The following MTHFD2L variants were observed in gnomAD, a reference collection of about 807,000 sequenced individuals.
MTHFD2L encodes bifunctional methylenetetrahydrofolate dehydrogenase/cyclohydrolase 2, mitochondrial.
MTHFD2L carries 29 observed loss-of-function variants against 34.9 expected under a neutral mutation model. The observed-to-expected ratio is 0.83, with a 90% CI of 0.62 to 1.13. The LOEUF (loss-of-function observed/expected upper bound fraction) is 1.13, where lower values mean the gene tolerates loss of function less well. MTHFD2L is among the 50% of genes most tolerant of loss of function. MTHFD2L has a pLI of 0.00. For synonymous variants in MTHFD2L, 167 were observed against 155.7 expected, an observed-to-expected ratio of 1.07 and a Z score of -0.54; for missense variants, 481 against 446.5, an observed-to-expected ratio of 1.08 and a Z score of -0.70.
At chr4:74,146,940 T>C (rs2109847571) in intron 1 of MTHFD2L, among the ~76,000 whole-genome samples, 1 of 152,218 alleles carries the variant, frequency 6.6e-6, no homozygotes, top group South Asian at 2.1e-4. Context: ...GAACTTCTAA[T>C]GAATTCTTCA....
chr4:74,201,178 A>G, intron 4 of MTHFD2L, 85 bp from the exon 5 acceptor site: 2 of 915,738 alleles, frequency 2.2e-6, no homozygotes, highest in Non-Finnish European at 3.3e-6. Flanking sequence ...AGAAATTTTT[A>G]AAAGAATGTT....
chr4:74,277,539 A>G (rs1746836744), intron 6 of MTHFD2L, among the ~76,000 whole-genome samples: 1 of 152,078 alleles, frequency 6.6e-6, no homozygotes, highest in Non-Finnish European at 1.5e-5. Context: ...TTGTCCTCCT[A>G]CAACTAACCT....
intron 1 of MTHFD2L, among the ~76,000 whole-genome samples, chr4:74,126,738 C>A (rs1722103050): frequency 6.6e-6 from 1 of 152,020 alleles, no homozygotes; most frequent in Admixed American, 6.6e-5. Context: ...CTTTTATTGT[C>A]ATGTACTTGT....
chr4:74,131,955 C>T (rs544835669), intron 1 of MTHFD2L, among the ~76,000 whole-genome samples: 17 of 152,264 alleles, frequency 1.1e-4, no homozygotes, highest in African/African-American at 3.9e-4. Flanking sequence ...TAAAAGAAGA[C>T]ATTTATGCGG....
intron 3 of MTHFD2L, among the ~76,000 whole-genome samples, chr4:74,193,594 C>T (rs1578419866): frequency 6.6e-6 from 1 of 152,096 alleles, no homozygotes; most frequent in African/African-American, 2.4e-5. Context: ...TTATTTACGT[C>T]ATTTGTCAGC....
chr4:74,155,083 A>T (rs1327258100), upstream of MTHFD2L, among the ~76,000 whole-genome samples: 2 of 152,184 alleles, frequency 1.3e-5, no homozygotes, highest in Non-Finnish European at 2.9e-5. Context: ...GTCATATCAG[A>T]ATTGGTAATG....
intron 1 of MTHFD2L, among the ~76,000 whole-genome samples, chr4:74,145,138 T>C (rs1723515128): frequency 6.6e-6 from 1 of 151,164 alleles, no homozygotes; most frequent in Admixed American, 6.6e-5. Flanking sequence ...ACTGATAAAC[T>C]AGACTACAGT....
chr4:74,251,066 G>A (rs1158915631), intron 6 of MTHFD2L, among the ~76,000 whole-genome samples: 1 of 152,140 alleles, frequency 6.6e-6, no homozygotes, highest in Admixed American at 6.6e-5. Context: ...CTCCCTAGGA[G>A]CCCAGAATAG....
chr4:74,255,050 G>A (rs530924668), intron 6 of MTHFD2L, among the ~76,000 whole-genome samples: 3 of 141,838 alleles, frequency 2.1e-5, no homozygotes, highest in South Asian at 2.2e-4. Flanking sequence ...CAGGAGAATC[G>A]CTTGAACCAG....
intron 2 of MTHFD2L, among the ~76,000 whole-genome samples, chr4:74,115,962 TA>T (rs1447038093): frequency 6.6e-6 from 1 of 152,150 alleles, no homozygotes. Context: ...GGAAAAAATA[TA>T]AAGTATTTGT....
At chr4:74,273,333 C>T (rs1746229165) in intron 6 of MTHFD2L, among the ~76,000 whole-genome samples, 1 of 152,092 alleles carries the variant, frequency 6.6e-6, no homozygotes, top group South Asian at 2.1e-4. Context: ...GATGGAGAAA[C>T]ACTCTGGGAG....
At chr4:74,173,312 A>T (rs1728380032) in intron 1 of MTHFD2L, among the ~76,000 whole-genome samples, 2 of 152,202 alleles carry the variant, frequency 1.3e-5, no homozygotes, top group South Asian at 4.1e-4. Context: ...CTTTCCAGAG[A>T]TAGTTTATAT....
intron 3 of MTHFD2L, among the ~76,000 whole-genome samples, chr4:74,191,091 G>A (rs1732394694): frequency 6.6e-6 from 1 of 151,970 alleles, no homozygotes; most frequent in Admixed American, 6.6e-5. Flanking sequence ...ACTAGAGATG[G>A]GGTTTCACCA....
At chr4:74,169,996 C>A (rs1727551655) in intron 1 of MTHFD2L, among the ~76,000 whole-genome samples, 2 of 152,100 alleles carry the variant, frequency 1.3e-5, no homozygotes, top group South Asian at 4.1e-4. Flanking sequence ...TTTAAACCTT[C>A]CCAGAAAGAA....
intron 1 of MTHFD2L, among the ~76,000 whole-genome samples, chr4:74,159,682 T>C (rs900441684): frequency 6.6e-6 from 1 of 152,194 alleles, no homozygotes; most frequent in Non-Finnish European, 1.5e-5. Flanking sequence ...CCAACTCATG[T>C]AGAATTCAAA....
intron 1 of MTHFD2L, among the ~76,000 whole-genome samples, chr4:74,127,887 C>A (rs1170428297): frequency 2.0e-5 from 3 of 152,122 alleles, no homozygotes; most frequent in African/African-American, 7.2e-5. Flanking sequence ...GTTTCCCTTT[C>A]TCTCCATCCT....
intron 5 of MTHFD2L, among the ~76,000 whole-genome samples, chr4:74,217,379 C>T (rs1737373857): frequency 6.6e-6 from 1 of 151,844 alleles, no homozygotes; most frequent in Admixed American, 6.6e-5. Flanking sequence ...TAGTAGCTTG[C>T]AGAGATAAAG....
chr4:74,300,948 T>C (rs1239198179), intron 7 of MTHFD2L, among the ~76,000 whole-genome samples: 1 of 152,120 alleles, frequency 6.6e-6, no homozygotes, highest in Non-Finnish European at 1.5e-5. Context: ...TGTTCACCTT[T>C]GTGATCTCAT....
intron 6 of MTHFD2L, among the ~76,000 whole-genome samples, chr4:74,254,173 T>C (rs1335714995): frequency 6.6e-6 from 1 of 152,094 alleles, no homozygotes; most frequent in East Asian, 1.9e-4. Flanking sequence ...CAGAGGGAAA[T>C]GAATATCAAG....
Sources: allele counts gnomAD v4.1 joint callset (sites outside exome capture counted in the v4.1 genomes callset), GRCh38; gene constraint gnomAD v4.1.1; transcripts MANE v1.5; gene names NCBI Gene and HGNC (gene_info 2026-07-23, HGNC 2026-07-21).